The following ZC3H7B variants were observed in gnomAD, a reference collection of about 807,000 sequenced individuals.
ZC3H7B encodes zinc finger CCCH domain-containing protein 7B.
Under a neutral mutation model 116.0 loss-of-function variants are expected in ZC3H7B, and 35 were observed. The observed-to-expected ratio is 0.30, with a 90% CI of 0.23 to 0.40. ZC3H7B has a LOEUF of 0.40. Among genes scored for constraint, ZC3H7B ranks in the 10% least tolerant of loss-of-function variants. The probability of loss-of-function intolerance (pLI) is 1.00; values close to 1 mark genes in which losing one functional copy is unlikely to be tolerated. For synonymous variants in ZC3H7B, 502 were observed against 545.6 expected (o/e 0.92, Z 1.11); for missense variants, 1,011 against 1,321.5 (o/e 0.77, Z 3.64).
At chr22:41,340,495 A>C (rs1257657789) in intron 10 of ZC3H7B, among the ~76,000 whole-genome samples, 1 of 151,942 alleles carries the variant, frequency 6.6e-6, no homozygotes. Flanking sequence ...ATGGCCTCCC[A>C]CTGCACCACT....
chr22:41,344,348 G>A (rs948956131), intron 13 of ZC3H7B, among the ~76,000 whole-genome samples: 6 of 152,126 alleles, frequency 3.9e-5, no homozygotes, highest in Non-Finnish European at 8.8e-5. Context: ...TCACTCTTGG[G>A]TCAAAGGCCT....
chr22:41,321,616 G>T (rs2036257466), intron 2 of ZC3H7B, among the ~76,000 whole-genome samples: 1 of 152,214 alleles, frequency 6.6e-6, no homozygotes, highest in East Asian at 1.9e-4. Context: ...CTCCCAAAGT[G>T]CTGGGATTAC....
At chr22:41,354,870 C>T (rs1200369312) in intron 17 of ZC3H7B, among the ~76,000 whole-genome samples, 1 of 152,156 alleles carries the variant, frequency 6.6e-6, no homozygotes, top group Non-Finnish European at 1.5e-5. Flanking sequence ...CAGGGCCACT[C>T]AGACGCCTGT....
At chr22:41,339,354 C>T (rs1189920666) in intron 9 of ZC3H7B, among the ~76,000 whole-genome samples, 163 bp downstream of exon 9, 3 of 152,096 alleles carry the variant, frequency 2.0e-5, no homozygotes, top group Non-Finnish European at 2.9e-5. Flanking sequence ...ACACTGGGCA[C>T]GGTGGCTCAC....
chr22:41,339,980 C>A lies in ZC3H7B; in HGVS notation c.981C>A (p.Pro327=). The change falls in exon 10 of 23, where the codon CCC becomes CCA. Residue 327 remains proline (P), a synonymous_variant. Coordinates refer to ENST00000352645, the MANE Select transcript of ZC3H7B (RefSeq NM_017590.6). ...CCTCCTTCGGCTTGGTCATGGACCC[C>A]TCCAAGAAGCTGGCCGCCTCTGTGC... The part of the protein sequence containing the change: ...PPASFGLVMD[P]SKKLAASVLD... 6.2e-7 allele frequency: 1 copy of A among 1,611,818 alleles called. No individual in the cohort carries two copies. The highest frequency in any genetic ancestry group is 8.5e-7 in the Non-Finnish European group (1 of 1,180,010).
At chr22:41,317,001 C>A (rs1043225434) in intron 1 of ZC3H7B, among the ~76,000 whole-genome samples, 17 of 152,076 alleles carry the variant, frequency 1.1e-4, no homozygotes, top group Non-Finnish European at 7.4e-5. Flanking sequence ...TACCATCACG[C>A]CCAACTGACT....
intron 13 of ZC3H7B, among the ~76,000 whole-genome samples, chr22:41,343,956 C>G (rs953265086): frequency 6.6e-6 from 1 of 152,200 alleles, no homozygotes; most frequent in African/African-American, 2.4e-5. Flanking sequence ...GCATTTAGGA[C>G]TGGCGCATGG....
At chr22:41,312,567 G>C (rs2036132342) in intron 1 of ZC3H7B, among the ~76,000 whole-genome samples, 2 of 151,934 alleles carry the variant, frequency 1.3e-5, no homozygotes, top group Admixed American at 1.3e-4. Flanking sequence ...TCCAGCCTGG[G>C]TGATACAGTG....
At chr22:41,355,624 G>A in intron 18 of ZC3H7B, 22 bp downstream of exon 18, 2 of 1,613,796 alleles carry the variant, frequency 1.2e-6, no homozygotes, top group Non-Finnish European at 8.5e-7. Context: ...GCCAGGTGGG[G>A]GCTCAGGTGG....
Position 41,346,989 on chromosome 22 carries a change from C to T in ZC3H7B, c.1665+781C>T, listed in dbSNP as rs1164133860. ...TCCAAAAAAAAAAAAAAAAAAATGT[C>T]ATTTCCATCGTCACGGCAGTGCTGG... On this transcript the variant is annotated intron_variant, in intron 14 of 22. Transcript: ENST00000352645. The surrounding 1 kb of genome is among the most constrained non-coding windows in gnomAD (Gnocchi z 5.3). Among the ~76,000 whole-genome samples, 2 of 148,934 alleles carry T rather than the reference C, an allele frequency of 1.3e-5. No individual in the cohort carries two copies. Among genetic ancestry groups the T allele is most frequent in the Non-Finnish European group, 3.0e-5 (2 of 67,602 alleles).
intron 1 of ZC3H7B, among the ~76,000 whole-genome samples, chr22:41,305,775 A>C (rs1231781603): frequency 6.6e-6 from 1 of 152,122 alleles, no homozygotes; most frequent in Non-Finnish European, 1.5e-5. Flanking sequence ...AGCACCCTGG[A>C]GGAGCTTAGA....
At chr22:41,341,636 G>A (rs1189571838) in intron 11 of ZC3H7B, among the ~76,000 whole-genome samples, 2 of 152,018 alleles carry the variant, frequency 1.3e-5, no homozygotes, top group African/African-American at 2.4e-5. Context: ...CCAGCTACTC[G>A]CGAGGCTGAG....
chr22:41,334,409 T>C (rs529878362), intron 7 of ZC3H7B: 1 of 148,044 alleles, frequency 6.8e-6, no homozygotes, highest in Non-Finnish European at 1.5e-5. Flanking sequence ...AAAGCCTTGC[T>C]TAGTCTGCAG....
intron 1 of ZC3H7B, among the ~76,000 whole-genome samples, chr22:41,318,834 C>A (rs944567962): frequency 1.3e-5 from 2 of 152,200 alleles, no homozygotes; most frequent in Non-Finnish European, 2.9e-5. Context: ...TCCTCACCAG[C>A]CTCCTTGCAC....
At chr22:41,310,561 C>T (rs1212931552) in intron 1 of ZC3H7B, among the ~76,000 whole-genome samples, 1 of 152,148 alleles carries the variant, frequency 6.6e-6, no homozygotes, top group African/African-American at 2.4e-5. Flanking sequence ...TTCCAAGCTC[C>T]CTGGGAGCAG....
intron 12 of ZC3H7B, 93 bp from the exon 13 acceptor site, chr22:41,343,322 A>AG (rs2036544274): frequency 6.7e-7 from 1 of 1,485,080 alleles, no homozygotes; most frequent in East Asian, 2.3e-5. Context: ...GTATATAAGG[A>AG]GGGGGCCGAT....
intron 2 of ZC3H7B, among the ~76,000 whole-genome samples, chr22:41,324,724 G>C (rs5751077): frequency 0.41 from 62,387 of 152,070 alleles, 15,586 homozygotes; most frequent in African/African-American, 0.67. Flanking sequence ...CTGGCATTGG[G>C]TGGGGCGTGT....
chr22:41,321,311 G>T (rs748801762), intron 2 of ZC3H7B, among the ~76,000 whole-genome samples: 1 of 150,974 alleles, frequency 6.6e-6, no homozygotes, highest in Non-Finnish European at 1.5e-5. Flanking sequence ...TGCCTCCTGG[G>T]TTCAAGCGAT....
At chr22:41,342,720 C>A in intron 12 of ZC3H7B, 92 bp downstream of exon 12, 2 of 1,275,466 alleles carry the variant, frequency 1.6e-6, no homozygotes, top group Non-Finnish European at 2.2e-6. Flanking sequence ...CCCAGTGTCT[C>A]AGTTGGAGAT....
Sources: gnomAD v4.1 joint callset for allele counts (sites outside exome capture counted in the v4.1 genomes callset) on GRCh38, gnomAD v4.1.1 for gene constraint, Gnocchi (gnomAD v3.1) non-coding constraint, MANE v1.5 for transcripts, NCBI Gene and HGNC (gene_info 2026-07-23, HGNC 2026-07-21) for gene names.